Variants in FUT8 observed in about 807,000 individuals in gnomAD.
FUT8 encodes the protein fucosyltransferase 8.
In FUT8, 29 loss-of-function variants were observed where a neutral mutation model predicts 71.3. The ratio of observed to expected loss-of-function variants is 0.41; its 90% confidence interval spans 0.30 to 0.55. FUT8 has a LOEUF of 0.55. Ranked by LOEUF, FUT8 falls within the 20% of genes least tolerant of loss-of-function variation. The probability of loss-of-function intolerance (pLI) is 0.34; values close to 1 mark genes in which losing one functional copy is unlikely to be tolerated. For missense variants in FUT8, 544 were observed against 702.1 expected, an observed-to-expected ratio of 0.77 and a Z score of 2.55; for synonymous variants, 254 against 239.3, an observed-to-expected ratio of 1.06 and a Z score of -0.57.
chr14:65,702,292 C>A (rs1208390847), intron 7 of FUT8, among the ~76,000 whole-genome samples: 1 of 147,298 alleles, frequency 6.8e-6, no homozygotes, highest in Non-Finnish European at 1.5e-5. Flanking sequence ...TTGCTGTGAG[C>A]TGAGATCATG....
At chr14:65,655,117 T>C (rs1300544939) in intron 6 of FUT8, among the ~76,000 whole-genome samples, 1 of 151,534 alleles carries the variant, frequency 6.6e-6, no homozygotes, top group Non-Finnish European at 1.5e-5. Flanking sequence ...CATATAACGA[T>C]ATAGGTAGAT....
Position 65,489,252 on chromosome 14 carries a change from A to G in FUT8, c.-228+33534A>G, listed in dbSNP as rs1256992811. 3.9e-5 allele frequency among the ~76,000 whole-genome samples: 6 copies of G among 152,160 alleles called. No individual in the cohort carries two copies. The highest frequency in any genetic ancestry group is 3.9e-4 in the Admixed American group (6 of 15,276). ...AAGAACCTTTTCTTTGTAACATGTT[A>G]CTTTGTTCCCTAACCTCATTCTCCT... On this transcript the variant is annotated intron_variant, in intron 2 of 10. Coordinates refer to ENST00000673929, the MANE Select transcript of FUT8 (RefSeq NM_001371533.1). This position sits in a 1 kb window ranked among gnomAD's most constrained non-coding sequence, Gnocchi z 4.0.
At chr14:65,527,075 C>T (rs938308020) in intron 2 of FUT8, among the ~76,000 whole-genome samples, 8 of 152,132 alleles carry the variant, frequency 5.3e-5, no homozygotes, top group South Asian at 2.1e-4. Flanking sequence ...ATCTTTGTGG[C>T]GTTCTCTGTA....
chr14:65,368,002 T>G, the FUT8 span, among the ~76,000 whole-genome samples: 1 of 152,056 alleles, frequency 6.6e-6, no homozygotes, highest in African/African-American at 2.4e-5. Context: ...AATTTAAAAT[T>G]TTCTAGTAAC....
the FUT8 span, among the ~76,000 whole-genome samples, chr14:65,376,699 G>A: frequency 4.6e-5 from 7 of 152,146 alleles, no homozygotes; most frequent in Admixed American, 3.3e-4. Flanking sequence ...GGCATGAGCC[G>A]CTGTGCCCTG....
chr14:65,383,265 C>CTTTTTTTTTTTTTTTTTTTT, the FUT8 span, among the ~76,000 whole-genome samples: 1 of 86,514 alleles, frequency 1.2e-5, no homozygotes, highest in Non-Finnish European at 2.3e-5. Context: ...TTTTTCTTTT[C>CTTTTTTTTTTTTTTTTTTTT]TTTTTTTTTT....
intron 5 of FUT8, among the ~76,000 whole-genome samples, chr14:65,620,155 T>TA (rs1448305120): frequency 6.6e-6 from 1 of 152,162 alleles, no homozygotes; most frequent in African/African-American, 2.4e-5. Context: ...ATATTTTTTT[T>TA]AAATTTATTC....
At chr14:65,575,625 C>CT (rs141102232) in intron 3 of FUT8, among the ~76,000 whole-genome samples, 29 of 123,720 alleles carry the variant, frequency 2.3e-4, no homozygotes, top group Admixed American at 5.2e-4. Flanking sequence ...CTTCCTTCCT[C>CT]TTTTTTTTTT....
At chr14:65,645,853 A>T (rs190398410) in intron 6 of FUT8, 2 of 152,314 alleles carry the variant, frequency 1.3e-5, no homozygotes, top group Non-Finnish European at 2.9e-5. Context: ...CTCACCCTGT[A>T]TCTATTTATG....
rs188217152 is a variant in FUT8 at position 65,712,656 on chromosome 14, G to A, written c.836-9119G>A. 5.8e-3 allele frequency among the ~76,000 whole-genome samples: 889 copies of A among 152,214 alleles called. 4 individuals carry two copies. The highest frequency in any genetic ancestry group is 8.7e-3 in the Non-Finnish European group (592 of 68,006). On this transcript the variant is annotated intron_variant, in intron 7 of 10. Transcript: ENST00000673929. ...GATGGAGTTTCTCCATGTTGGTCAG[G>A]CTGATCTCAAACTTCTGACCTCAGG...
At chr14:65,375,323 A>G in the FUT8 span, among the ~76,000 whole-genome samples, 1 of 152,180 alleles carries the variant, frequency 6.6e-6, no homozygotes, top group African/African-American at 2.4e-5. Flanking sequence ...ATAAATAGCA[A>G]GAATAGGGTG....
At chr14:65,614,991 A>G (rs778839496) in intron 3 of FUT8, among the ~76,000 whole-genome samples, 1 of 152,244 alleles carries the variant, frequency 6.6e-6, no homozygotes, top group Admixed American at 6.5e-5. Flanking sequence ...AGAGGTTGAT[A>G]ATATAAGTAA....
chr14:65,694,773 C>T (rs1893898033), intron 7 of FUT8, among the ~76,000 whole-genome samples: 1 of 151,366 alleles, frequency 6.6e-6, no homozygotes, highest in Admixed American at 6.6e-5. Flanking sequence ...AATCATCATT[C>T]TCAGTAAACT....
At chr14:65,504,858 C>T (rs1566789404) in intron 2 of FUT8, among the ~76,000 whole-genome samples, 1 of 152,094 alleles carries the variant, frequency 6.6e-6, no homozygotes, top group Non-Finnish European at 1.5e-5. Context: ...AGGAGAATGG[C>T]TTGAACCCAG....
chr14:65,663,574 A>T (rs1892071577), intron 6 of FUT8, among the ~76,000 whole-genome samples: 1 of 152,106 alleles, frequency 6.6e-6, no homozygotes, highest in East Asian at 1.9e-4. Flanking sequence ...ATTTACTGTT[A>T]TCAGTACAGT....
intron 2 of FUT8, among the ~76,000 whole-genome samples, chr14:65,477,822 C>T (rs547304006): frequency 1.8e-4 from 27 of 151,320 alleles, no homozygotes; most frequent in African/African-American, 6.5e-4. Context: ...ACTATAGAAC[C>T]AAATTGTAGG....
intron 3 of FUT8, among the ~76,000 whole-genome samples, chr14:65,580,932 ATACT>A (rs1456217886): frequency 6.6e-5 from 10 of 152,062 alleles, no homozygotes; most frequent in African/African-American, 2.2e-4. Flanking sequence ...GATTTACTAA[ATACT>A]TACATATTGT....
intron 6 of FUT8, among the ~76,000 whole-genome samples, chr14:65,665,784 G>C (rs1005545096): frequency 6.6e-6 from 1 of 152,112 alleles, no homozygotes; most frequent in Non-Finnish European, 1.5e-5. Context: ...CCTTTGCAGG[G>C]ACATGGATGG....
At chr14:65,673,177 C>G (rs967796517) in intron 7 of FUT8, among the ~76,000 whole-genome samples, 1 of 152,138 alleles carries the variant, frequency 6.6e-6, no homozygotes, top group Non-Finnish European at 1.5e-5. Context: ...GGTAGATGAC[C>G]GTTTGGTATA....
Sources: allele counts gnomAD v4.1 joint callset (sites outside exome capture counted in the v4.1 genomes callset), GRCh38; gene constraint gnomAD v4.1.1; non-coding constraint Gnocchi (gnomAD v3.1); transcripts MANE v1.5; gene names NCBI Gene and HGNC (gene_info 2026-07-23, HGNC 2026-07-21).